The following CNTNAP2 variants were observed in gnomAD, a reference collection of about 807,000 sequenced individuals.
CNTNAP2 encodes the protein contactin associated protein 2, also known as contactin-associated protein-like 2.
In CNTNAP2, 98 loss-of-function variants were observed where a neutral mutation model predicts 155.2. That is an observed-to-expected ratio of 0.63 (90% CI 0.54 to 0.75). The LOEUF (loss-of-function observed/expected upper bound fraction) is 0.75, where lower values mean the gene tolerates loss of function less well. Among genes scored for constraint, CNTNAP2 ranks in the 30% least tolerant of loss-of-function variants. The pLI is 0.00. For synonymous variants in CNTNAP2, 651 were observed against 631.2 expected (o/e 1.03, Z -0.47); for missense variants, 1,727 against 1,688.1 (o/e 1.02, Z -0.40).
At chr7:146,911,916 T>A (rs1435270996) in intron 3 of CNTNAP2, among the ~76,000 whole-genome samples, 1 of 152,174 alleles carries the variant, frequency 6.6e-6, no homozygotes, top group Non-Finnish European at 1.5e-5. Context: ...TAGAATTTCA[T>A]AGAGAGGTAT....
chr7:147,289,599 T>G (rs554792879), intron 8 of CNTNAP2, among the ~76,000 whole-genome samples: 3 of 152,322 alleles, frequency 2.0e-5, no homozygotes, highest in African/African-American at 7.2e-5. Context: ...TGTAAGATTA[T>G]GTCAAGAAAA....
intron 1 of CNTNAP2, among the ~76,000 whole-genome samples, chr7:146,596,061 A>T (rs1798853881): frequency 6.6e-6 from 1 of 152,050 alleles, no homozygotes; most frequent in African/African-American, 2.4e-5. Context: ...AATTAGTAGT[A>T]GGCCAATATA....
intron 1 of CNTNAP2, among the ~76,000 whole-genome samples, chr7:146,384,034 C>T (rs73162198): frequency 6.6e-6 from 1 of 152,232 alleles, no homozygotes; most frequent in Non-Finnish European, 1.5e-5. Flanking sequence ...TTGGCTCATG[C>T]TCAGATGGCT....
At chr7:146,196,276 T>C (rs1798773961) in intron 1 of CNTNAP2, among the ~76,000 whole-genome samples, 1 of 152,234 alleles carries the variant, frequency 6.6e-6, no homozygotes, top group Admixed American at 6.5e-5. Context: ...GGAATTACCT[T>C]ATTTATTTTA....
chr7:146,374,542 T>G (rs1224125793), intron 1 of CNTNAP2, among the ~76,000 whole-genome samples: 1 of 152,198 alleles, frequency 6.6e-6, no homozygotes, highest in Non-Finnish European at 1.5e-5. Flanking sequence ...CTGTTCTTAG[T>G]AGGAGGCCTT....
intron 13 of CNTNAP2, among the ~76,000 whole-genome samples, chr7:147,665,814 C>T (rs851730): frequency 0.13 from 19,980 of 152,148 alleles, 3,283 homozygotes; most frequent in African/African-American, 0.37. Context: ...TTCTTTTGTA[C>T]GGCTGCATAG....
At chr7:146,504,022 A>G (rs1797344678) in intron 1 of CNTNAP2, among the ~76,000 whole-genome samples, 1 of 152,240 alleles carries the variant, frequency 6.6e-6, no homozygotes, top group South Asian at 2.1e-4. Flanking sequence ...AACAGGTTAC[A>G]TTAAATGGCT....
intron 20 of CNTNAP2, among the ~76,000 whole-genome samples, chr7:148,237,355 G>A (rs543358043): frequency 2.6e-5 from 4 of 152,310 alleles, no homozygotes; most frequent in African/African-American, 9.6e-5. Context: ...AAAAGACATT[G>A]TGGTTCTATG....
At chr7:148,133,097 T>A (rs1488338646) in intron 16 of CNTNAP2, among the ~76,000 whole-genome samples, 1 of 152,142 alleles carries the variant, frequency 6.6e-6, no homozygotes, top group Non-Finnish European at 1.5e-5. Flanking sequence ...CATTATGTAA[T>A]CTTCTTTAAA....
chr7:147,218,654 T>C (rs886246928), intron 8 of CNTNAP2, among the ~76,000 whole-genome samples: 2 of 152,112 alleles, frequency 1.3e-5, no homozygotes, highest in African/African-American at 4.8e-5. Context: ...GAATATGATG[T>C]GTCTTATTGA....
intron 13 of CNTNAP2, among the ~76,000 whole-genome samples, chr7:147,693,233 C>T (rs1173307865): frequency 6.6e-6 from 1 of 152,050 alleles, no homozygotes. Context: ...CAACACCACA[C>T]TGTCTTATTA....
intron 3 of CNTNAP2, among the ~76,000 whole-genome samples, chr7:146,971,025 C>G (rs180792166): frequency 6.6e-6 from 1 of 151,970 alleles, no homozygotes; most frequent in Non-Finnish European, 1.5e-5. Flanking sequence ...AACACATGGA[C>G]ACAGGAAGGG....
intron 1 of CNTNAP2, among the ~76,000 whole-genome samples, chr7:146,375,552 G>T (rs1273643778): frequency 6.6e-6 from 1 of 152,128 alleles, no homozygotes; most frequent in East Asian, 1.9e-4. Context: ...AAGATTGGTG[G>T]CATAAAGAAT....
intron 13 of CNTNAP2, among the ~76,000 whole-genome samples, chr7:147,886,586 G>A (rs759157020): frequency 6.6e-6 from 1 of 150,992 alleles, no homozygotes; most frequent in Non-Finnish European, 1.5e-5. Flanking sequence ...TATGTCAGAG[G>A]GCTTCTCAAC....
intron 12 of CNTNAP2, among the ~76,000 whole-genome samples, chr7:147,603,363 T>C (rs1800994725): frequency 6.6e-6 from 1 of 152,080 alleles, no homozygotes; most frequent in South Asian, 2.1e-4. Flanking sequence ...TTTGTTTGAG[T>C]TCAGCAAAGT....
chr7:146,297,172 A>G (rs1800528045), intron 1 of CNTNAP2, among the ~76,000 whole-genome samples: 1 of 152,140 alleles, frequency 6.6e-6, no homozygotes, highest in African/African-American at 2.4e-5. Context: ...ATTTCCCAAT[A>G]CTTATAGATG....
intron 8 of CNTNAP2, among the ~76,000 whole-genome samples, chr7:147,213,076 T>C (rs544531220): frequency 1.3e-5 from 2 of 152,184 alleles, no homozygotes; most frequent in African/African-American, 4.8e-5. Flanking sequence ...TTGTAGGAAT[T>C]TGTTCATGCA....
At chr7:147,188,965 T>C (rs559153907) in intron 8 of CNTNAP2, among the ~76,000 whole-genome samples, 13 of 152,160 alleles carry the variant, frequency 8.5e-5, no homozygotes, top group Non-Finnish European at 1.3e-4. Flanking sequence ...GGAATCCAAA[T>C]AACTCCAAAA....
At chr7:146,674,626 G>A (rs1398940961) in intron 1 of CNTNAP2, among the ~76,000 whole-genome samples, 1 of 152,122 alleles carries the variant, frequency 6.6e-6, no homozygotes, top group Non-Finnish European at 1.5e-5. Flanking sequence ...AGGGGCTGGG[G>A]AGGAACAGGG....
Sources: allele counts gnomAD v4.1 joint callset (sites outside exome capture counted in the v4.1 genomes callset), GRCh38; gene constraint gnomAD v4.1.1; transcripts MANE v1.5; gene names NCBI Gene and HGNC (gene_info 2026-07-23, HGNC 2026-07-21).